The following ARB2A variants were observed in gnomAD, a reference collection of about 807,000 sequenced individuals.
ARB2A encodes cotranscriptional regulator ARB2A.
chr5:93,720,339 T>C, the ARB2A span, among the ~76,000 whole-genome samples: 2 of 152,220 alleles, frequency 1.3e-5, no homozygotes, highest in Non-Finnish European at 2.9e-5. Context: ...ATCATTATAT[T>C]GGGCCTCTTT....
chr5:93,986,409 G>A, the ARB2A span, among the ~76,000 whole-genome samples: 2 of 150,340 alleles, frequency 1.3e-5, no homozygotes, highest in Admixed American at 1.3e-4. Context: ...GAGGTGGGGG[G>A]CGCCTCTGCC....
chr5:93,744,507 G>A, the ARB2A span, among the ~76,000 whole-genome samples: 2 of 144,190 alleles, frequency 1.4e-5, no homozygotes, highest in South Asian at 4.4e-4. Context: ...AAATTTACTT[G>A]GATGCTCTCA....
chr5:94,089,062 G>GT, the ARB2A span, among the ~76,000 whole-genome samples: 2 of 152,180 alleles, frequency 1.3e-5, no homozygotes, highest in Non-Finnish European at 1.5e-5. Context: ...GGAAAATGCT[G>GT]TAACAGCAGC....
chr5:94,001,085 G>A, the ARB2A span, among the ~76,000 whole-genome samples: 9 of 151,952 alleles, frequency 5.9e-5, no homozygotes, highest in African/African-American at 2.2e-4. Context: ...AGTATTATCA[G>A]TCCTCCAACT....
the ARB2A span, among the ~76,000 whole-genome samples, chr5:93,767,356 G>A: frequency 6.6e-6 from 1 of 152,090 alleles, no homozygotes; most frequent in East Asian, 1.9e-4. Flanking sequence ...CTGCAAGAAC[G>A]GCCATGATAC....
At chr5:94,016,822 C>T in the ARB2A span, among the ~76,000 whole-genome samples, 1 of 152,104 alleles carries the variant, frequency 6.6e-6, no homozygotes, top group South Asian at 2.1e-4. Context: ...ATTCACAAGT[C>T]AGGTAGGGAT....
chr5:94,049,116 C>T, the ARB2A span, among the ~76,000 whole-genome samples: 1 of 152,162 alleles, frequency 6.6e-6, no homozygotes, highest in South Asian at 2.1e-4. Flanking sequence ...CACACTAAAA[C>T]TTATGTGTCC....
At chr5:93,907,890 A>T in the ARB2A span, among the ~76,000 whole-genome samples, 1 of 151,326 alleles carries the variant, frequency 6.6e-6, no homozygotes, top group Admixed American at 6.6e-5. Context: ...ATACTCAAAA[A>T]TTTCTTTAGT....
chr5:93,909,864 A>T, the ARB2A span, among the ~76,000 whole-genome samples: 1 of 150,938 alleles, frequency 6.6e-6, no homozygotes, highest in South Asian at 2.1e-4. Flanking sequence ...GGTTTTAAAA[A>T]TTTTTGCAGA....
chr5:94,076,821 T>C, the ARB2A span, among the ~76,000 whole-genome samples: 1 of 152,148 alleles, frequency 6.6e-6, no homozygotes, highest in Non-Finnish European at 1.5e-5. Context: ...TTCTTCCAAA[T>C]ATAAACTATT....
the ARB2A span, among the ~76,000 whole-genome samples, chr5:93,825,068 C>T: frequency 6.6e-6 from 1 of 152,158 alleles, no homozygotes; most frequent in African/African-American, 2.4e-5. Context: ...TGTTTCATCT[C>T]CCGTTGTAAT....
the ARB2A span, among the ~76,000 whole-genome samples, chr5:93,632,533 A>G: frequency 1.4e-4 from 21 of 152,196 alleles, no homozygotes; most frequent in African/African-American, 5.1e-4. Flanking sequence ...TTTTATTCCA[A>G]GTTCATTGGA....
At chr5:93,712,510 C>T in the ARB2A span, among the ~76,000 whole-genome samples, 13 of 152,078 alleles carry the variant, frequency 8.5e-5, no homozygotes, top group African/African-American at 2.9e-4. Context: ...AAGATGTACA[C>T]GGTTTTAGTC....
chr5:93,873,378 AGGAAAGGAAGG>A, the ARB2A span, among the ~76,000 whole-genome samples: 38 of 12,536 alleles, frequency 3.0e-3, no homozygotes, highest in Middle Eastern at 0.02. Context: ...AGGAAAGGAA[AGGAAAGGAAGG>A]GGAAGGGGAA....
At chr5:93,856,473 G>C in the ARB2A span, among the ~76,000 whole-genome samples, 1 of 152,156 alleles carries the variant, frequency 6.6e-6, no homozygotes, top group East Asian at 1.9e-4. Context: ...TGGAGGCTTT[G>C]TTCGTTTCTT....
the ARB2A span, among the ~76,000 whole-genome samples, chr5:93,717,231 A>G: frequency 2.0e-5 from 3 of 152,190 alleles, no homozygotes; most frequent in East Asian, 1.9e-4. Context: ...TAGATTTTAC[A>G]TCGTCTTTTA....
the ARB2A span, among the ~76,000 whole-genome samples, chr5:93,981,673 A>C: frequency 6.6e-6 from 1 of 151,954 alleles, no homozygotes; most frequent in Non-Finnish European, 1.5e-5. Context: ...AAAATATTTA[A>C]TATACATGGT....
the ARB2A span, among the ~76,000 whole-genome samples, chr5:93,793,422 C>T: frequency 1.3e-5 from 2 of 151,496 alleles, no homozygotes; most frequent in South Asian, 2.1e-4. Context: ...TGTACCATGG[C>T]TATTTGTACA....
chr5:93,813,173 T>C, the ARB2A span, among the ~76,000 whole-genome samples: 1 of 152,180 alleles, frequency 6.6e-6, no homozygotes, highest in Non-Finnish European at 1.5e-5. Context: ...GGTAGACATA[T>C]GTACCTTAAA....
Sources: gnomAD v4.1 joint callset for allele counts (sites outside exome capture counted in the v4.1 genomes callset) on GRCh38, gnomAD v4.1.1 for gene constraint, MANE v1.5 for transcripts, NCBI Gene and HGNC (gene_info 2026-07-23, HGNC 2026-07-21) for gene names.